NEBL: variants seen among roughly 807,000 people sequenced by gnomAD.
NEBL encodes nebulette.
Under a neutral mutation model 140.2 loss-of-function variants are expected in NEBL, and 122 were observed. That is an observed-to-expected ratio of 0.87 (90% CI 0.75 to 1.01). The LOEUF (loss-of-function observed/expected upper bound fraction) is 1.01. NEBL is among the 50% of genes least tolerant of loss of function. The probability of loss-of-function intolerance (pLI) is 0.00; values close to 1 mark genes in which losing one functional copy is unlikely to be tolerated. For missense variants in NEBL, 1,365 were observed against 1,231.3 expected, an observed-to-expected ratio of 1.11 and a Z score of -1.62; for synonymous variants, 436 against 398.9, an observed-to-expected ratio of 1.09 and a Z score of -1.11.
intron 2 of NEBL, among the ~76,000 whole-genome samples, chr10:21,044,478 C>T (rs1350678576): frequency 7.3e-6 from 1 of 136,220 alleles, no homozygotes; most frequent in South Asian, 2.7e-4. Context: ...CCAGGAACAT[C>T]TTACACAACT....
intron 1 of NEBL, among the ~76,000 whole-genome samples, chr10:21,280,400 G>C (rs1842977185): frequency 6.6e-6 from 1 of 152,124 alleles, no homozygotes; most frequent in African/African-American, 2.4e-5. Context: ...TTTAGGAGTT[G>C]GATTTCGGGC....
At chr10:21,037,410 G>C (rs1834057954) in intron 2 of NEBL, among the ~76,000 whole-genome samples, 1 of 150,914 alleles carries the variant, frequency 6.6e-6, no homozygotes, top group East Asian at 2.0e-4. Context: ...ACAAAATCAA[G>C]TTAGATCAAT....
intron 24 of NEBL, among the ~76,000 whole-genome samples, chr10:20,811,134 C>T (rs1838094883): frequency 6.6e-6 from 1 of 152,162 alleles, no homozygotes; most frequent in South Asian, 2.1e-4. Flanking sequence ...CAATGGAAAA[C>T]AGTTCTTCCC....
intron 10 of NEBL, among the ~76,000 whole-genome samples, chr10:20,852,033 A>G (rs1319048638): frequency 1.3e-5 from 2 of 152,172 alleles, no homozygotes; most frequent in African/African-American, 2.4e-5. Flanking sequence ...TAACGACTTT[A>G]AAGTATGCTA....
At chr10:20,887,203 T>C (rs1343318676) in intron 4 of NEBL, among the ~76,000 whole-genome samples, 1 of 147,950 alleles carries the variant, frequency 6.8e-6, no homozygotes, top group Non-Finnish European at 1.5e-5. Flanking sequence ...AAATTACTCC[T>C]AAACCCTTCT....
chr10:20,835,883 A>C (rs1244049638), intron 13 of NEBL, among the ~76,000 whole-genome samples: 1 of 152,058 alleles, frequency 6.6e-6, no homozygotes, highest in Non-Finnish European at 1.5e-5. Flanking sequence ...TTCACTGACA[A>C]TTTTCTTTGG....
At chr10:21,060,749 T>C (rs1455743104) in intron 2 of NEBL, among the ~76,000 whole-genome samples, 1 of 152,032 alleles carries the variant, frequency 6.6e-6, no homozygotes, top group Non-Finnish European at 1.5e-5. Flanking sequence ...CTAATTCTCA[T>C]CCTTACCCCT....
intron 2 of NEBL, among the ~76,000 whole-genome samples, chr10:21,102,944 C>T (rs1837541722): frequency 1.3e-5 from 2 of 151,946 alleles, no homozygotes; most frequent in Non-Finnish European, 2.9e-5. Flanking sequence ...AGGTATTAAG[C>T]CCAGCAGGTA....
intron 13 of NEBL, among the ~76,000 whole-genome samples, chr10:20,837,859 T>C (rs1350631847): frequency 1.3e-5 from 2 of 152,196 alleles, no homozygotes; most frequent in Admixed American, 6.5e-5. Flanking sequence ...ATAAATGGAA[T>C]AACAAAGCCT....
At chr10:21,205,826 G>A (rs1841816782) in intron 3 of NEBL, among the ~76,000 whole-genome samples, 1 of 152,098 alleles carries the variant, frequency 6.6e-6, no homozygotes, top group Non-Finnish European at 1.5e-5. Flanking sequence ...GGGATAGGTA[G>A]GAAAGTGTGA....
chr10:21,233,755 T>G (rs2132257098), intron 3 of NEBL, among the ~76,000 whole-genome samples: 1 of 143,648 alleles, frequency 7.0e-6, no homozygotes, highest in Non-Finnish European at 1.5e-5. Context: ...ATATTACATA[T>G]AGATATATAT....
rs544222454 is a variant in NEBL at position 21,273,134 on chromosome 10, T to C, written n.182+19696A>G. Among the ~76,000 whole-genome samples, 35 of 152,238 alleles carry C rather than the reference T, an allele frequency of 2.3e-4. 1 individual carries two copies. Among genetic ancestry groups the C allele is most frequent in the African/African-American group, 8.2e-4 (34 of 41,536 alleles). ...TTGGACAGCCACAGGGTTGGGAGCT[T>C]GTGGGCCCTCGGAGGAGGTTAATAG... On this transcript the variant is annotated intron_variant and non_coding_transcript_variant, in intron 1 of 8. Transcript: ENST00000675702.
At chr10:21,179,637 A>G (rs964813463), upstream of NEBL, among the ~76,000 whole-genome samples, 2 of 152,042 alleles carry the variant, frequency 1.3e-5, no homozygotes, top group African/African-American at 4.8e-5. Flanking sequence ...GTATTGGACC[A>G]TTACTGTGCA....
At position 20,840,833 on chromosome 10, in the gene NEBL, T is replaced by G. The variant is rs766254363; in HGVS notation, c.1244A>C (p.Asp415Ala). Reference protein sequence around the residue: ...NLLREKEYKKDLENEIKGKGM... With the variant: ...NLLREKEYKKALENEIKGKGM... ...TTTCCCTTTTATCTCATTTTCCAAA[T>G]CTTTTTTATATTCTTTCTATGAGAC... Residue 415 changes from aspartate (D) to alanine (A), a missense_variant, in exon 13 of 28, where the codon GAT (aspartate) becomes GCT (alanine). Physicochemically the swap from Asp to Ala is moderately radical, Grantham distance 126 (BLOSUM62 -2). This residue lies in a region of NEBL where 1,323 missense variants were observed against 1,154.8 expected (regional missense o/e 1.15). Transcript: ENST00000377122. 5.1e-6 allele frequency: 8 copies of G among 1,580,608 alleles called. No homozygotes were observed. The Admixed American group carries it at 1.2e-4, about 23-fold the overall frequency.
At chr10:21,065,692 C>T (rs932683235) in intron 2 of NEBL, among the ~76,000 whole-genome samples, 1 of 152,188 alleles carries the variant, frequency 6.6e-6, no homozygotes, top group Non-Finnish European at 1.5e-5. Flanking sequence ...ATGAGGATTG[C>T]CCCTTCGGCA....
intron 16 of NEBL, 55 bp from the exon 17 acceptor site, chr10:20,828,689 A>AGAGG: frequency 8.5e-7 from 1 of 1,170,868 alleles, no homozygotes; most frequent in East Asian, 2.4e-5. Flanking sequence ...CGCACATGTG[A>AGAGG]GAGGGAGGGA....
At chr10:21,217,577 A>G (rs1218610718) in intron 3 of NEBL, among the ~76,000 whole-genome samples, 3 of 152,210 alleles carry the variant, frequency 2.0e-5, no homozygotes, top group Non-Finnish European at 4.4e-5. Context: ...GTGCCACACA[A>G]CTGTGGATTC....
At chr10:20,963,985 C>G (rs542522999) in intron 3 of NEBL, among the ~76,000 whole-genome samples, 22 of 152,300 alleles carry the variant, frequency 1.4e-4, no homozygotes, top group Non-Finnish European at 7.4e-5. Context: ...CTCTCTTTTC[C>G]ACACTCCCAC....
At chr10:21,212,828 C>T (rs1287963554) in intron 3 of NEBL, among the ~76,000 whole-genome samples, 2 of 152,174 alleles carry the variant, frequency 1.3e-5, no homozygotes, top group Non-Finnish European at 2.9e-5. Flanking sequence ...CCTTTAGCTG[C>T]TGTGTCAATA....
Sources: allele counts gnomAD v4.1 joint callset (sites outside exome capture counted in the v4.1 genomes callset), GRCh38; gene constraint gnomAD v4.1.1; regional missense constraint gnomAD v4.1.1; transcripts MANE v1.5; gene names NCBI Gene and HGNC (gene_info 2026-07-23, HGNC 2026-07-21).